Variants in LPCAT1 observed in about 807,000 individuals in gnomAD.
LPCAT1 encodes the protein 1-acylglycerol-3-phosphate O-acyltransferase.
In LPCAT1, 23 loss-of-function variants were observed where a neutral mutation model predicts 60.9. The observed-to-expected ratio is 0.38, with a 90% CI of 0.27 to 0.53. The LOEUF (loss-of-function observed/expected upper bound fraction) is 0.53. Ranked by LOEUF, LPCAT1 falls within the 20% of genes least tolerant of loss-of-function variation. LPCAT1 has a pLI of 0.82. For synonymous variants in LPCAT1, 340 were observed against 301.1 expected (o/e 1.13, Z -1.34); for missense variants, 622 against 723.6 (o/e 0.86, Z 1.61).
In LPCAT1 at chr5:1,523,442, G is replaced by A. The variant is rs1294636333; in HGVS notation, c.135+268C>T. 6.6e-6 allele frequency among the ~76,000 whole-genome samples: 1 copy of A among 151,746 alleles called. No individual in the cohort carries two copies. The highest frequency in any genetic ancestry group is 1.5e-5 in the Non-Finnish European group (1 of 67,876). On this transcript the variant is annotated intron_variant, in intron 1 of 13. Transcript: ENST00000283415. This position sits in a 1 kb window ranked among gnomAD's most constrained non-coding sequence, Gnocchi z 7.1. Reference sequence around the variant, plus strand: ...GGGGGGAGGAGCAGAACGCGGGGCGGGGATGGGAAGCGGGGACCCCGAGGA... The same window carrying A: ...GGGGGGAGGAGCAGAACGCGGGGCGAGGATGGGAAGCGGGGACCCCGAGGA...
intron 1 of LPCAT1, among the ~76,000 whole-genome samples, chr5:1,505,208 G>C (rs1736144859): frequency 7.0e-6 from 1 of 142,508 alleles, no homozygotes; most frequent in Non-Finnish European, 1.5e-5. Context: ...CGGTGTTCCT[G>C]AAACAGCACC....
chr5:1,489,683 C>T (rs1030299050), intron 4 of LPCAT1, 63 bp downstream of exon 4: 7 of 1,228,156 alleles, frequency 5.7e-6, no homozygotes, highest in Admixed American at 1.7e-5. Context: ...TTTCTCCCCA[C>T]TCGCGAAGTT....
rs1194102783 is a variant in LPCAT1 at position 1,462,939 on chromosome 5, A to G, written c.*712T>C. On this transcript the variant is annotated 3_prime_UTR_variant, in exon 14 of 14. Transcript: ENST00000283415. ...TCCCCAGGGGACCCAGCGGAAGGAG[A>G]GGGATTACCTGCTGGAGAGAGGCCT... is the stretch of plus-strand genomic sequence containing the variant. 2.6e-5 allele frequency: 4 copies of G among 152,118 alleles called. No homozygotes were observed. Among genetic ancestry groups the G allele is most frequent in the South Asian group, 4.2e-4 (2 of 4,808 alleles). 9.4% of individuals were successfully genotyped at this position (152,118 alleles called of 1,614,324 possible). A position where few individuals can be genotyped will look rare whatever the true frequency, so the allele number is the denominator to read the frequency against.
intron 13 of LPCAT1, 74 bp from the exon 14 acceptor site, chr5:1,463,909 A>C (rs1286112740): frequency 6.5e-7 from 1 of 1,532,484 alleles, no homozygotes; most frequent in African/African-American, 1.4e-5. Context: ...CTCTTTTCCC[A>C]CGGCCCTGGT....
chr5:1,491,551 T>C (rs563749126), intron 3 of LPCAT1, among the ~76,000 whole-genome samples: 5 of 152,268 alleles, frequency 3.3e-5, no homozygotes, highest in African/African-American at 1.2e-4. Flanking sequence ...CGTCTTCATG[T>C]GGGTTGCCCG....
In LPCAT1 at chr5:1,481,685, C is replaced by A. The variant is rs986807900; in HGVS notation, c.727-709G>T. Among the ~76,000 whole-genome samples the A allele has an allele frequency of 6.6e-6, 1 of 152,272 alleles. No individual in the cohort carries two copies. The highest frequency in any genetic ancestry group is 1.5e-5 in the Non-Finnish European group (1 of 68,044). ...GGAAAATCTAGATGACTGCACAGATCGGAGTCTGTTGTCCTCGGGTTGACT... is the reference window on the plus strand; with the variant it reads ...GGAAAATCTAGATGACTGCACAGATAGGAGTCTGTTGTCCTCGGGTTGACT... On this transcript the variant is annotated intron_variant, in intron 6 of 13. Coordinates refer to ENST00000283415, the MANE Select transcript of LPCAT1 (RefSeq NM_024830.5). This position sits in a 1 kb window ranked among gnomAD's most constrained non-coding sequence, Gnocchi z 7.8.
chr5:1,523,764 C>CG lies in LPCAT1; in HGVS notation c.80dup (p.Arg29AlafsTer213). On this transcript the variant is annotated frameshift_variant, in exon 1 of 14. Coordinates refer to ENST00000283415, the MANE Select transcript of LPCAT1 (RefSeq NM_024830.5). LOFTEE classifies it high-confidence loss of function. The surrounding 1 kb of genome is among the most constrained non-coding windows in gnomAD (Gnocchi z 7.1). ...GCTCGTGCACGAAGGGGTTCCGCCC[C>CG]GGGGGCGCCAGCAGCCGAGCGTCGC... The CG allele has an allele frequency of 8.6e-6, 10 of 1,158,124 alleles. No homozygotes were observed. Among genetic ancestry groups the CG allele is most frequent in the Admixed American group, 4.6e-5 (1 of 21,684 alleles). 71.7% of individuals were successfully genotyped at this position (1,158,124 alleles called of 1,614,324 possible). A position where few individuals can be genotyped will look rare whatever the true frequency, so the allele number is the denominator to read the frequency against.
At chr5:1,499,682 C>G (rs536171958) in intron 2 of LPCAT1, among the ~76,000 whole-genome samples, 1 of 152,044 alleles carries the variant, frequency 6.6e-6, no homozygotes, top group African/African-American at 2.4e-5. Context: ...AGCTGCTCAA[C>G]GTCCACCCAC....
At chr5:1,504,679 G>A (rs1287782262) in intron 1 of LPCAT1, among the ~76,000 whole-genome samples, 10 of 142,118 alleles carry the variant, frequency 7.0e-5, no homozygotes, top group Admixed American at 2.9e-4. Flanking sequence ...GCGCCATTGC[G>A]CTCTAGCCTG....
intron 1 of LPCAT1, among the ~76,000 whole-genome samples, chr5:1,513,854 C>T (rs984183938): frequency 3.3e-5 from 5 of 149,304 alleles, no homozygotes; most frequent in East Asian, 4.0e-4. Flanking sequence ...CATTCTCACC[C>T]GTGGGGCAGG....
At chr5:1,489,359 C>T (rs1371018058) in intron 4 of LPCAT1, among the ~76,000 whole-genome samples, 1 of 152,238 alleles carries the variant, frequency 6.6e-6, no homozygotes, top group Non-Finnish European at 1.5e-5. Context: ...CTTCTGAATG[C>T]CTGGGAACCA....
rs1344122497 is a variant in LPCAT1, at chr5:1,477,722, C to A, written c.817-236G>T. Among the ~76,000 whole-genome samples, 3 of 152,084 alleles carry A rather than the reference C, an allele frequency of 2.0e-5. No individual in the cohort carries two copies. The highest frequency in any genetic ancestry group is 2.0e-4 in the Admixed American group (3 of 15,282). The stretch of plus-strand genomic sequence containing the variant: ...CATTGGTGCTCCCTGGGAGCACCTG[C>A]TGCCTACATCAGAACATCTGGCTCT... On this transcript the variant is annotated intron_variant, in intron 8 of 13. Transcript: ENST00000283415. This position sits in a 1 kb window ranked among gnomAD's most constrained non-coding sequence, Gnocchi z 6.0.
Position 1,503,212 on chromosome 5 carries a change from G to A in LPCAT1, c.136-1609C>T, listed in dbSNP as rs1044006276. 2.6e-5 allele frequency among the ~76,000 whole-genome samples: 4 copies of A among 152,104 alleles called. No individual in the cohort carries two copies. In the South Asian group the frequency reaches 8.3e-4, roughly 31 times the overall value. On this transcript the variant is annotated intron_variant, in intron 1 of 13. Coordinates refer to ENST00000283415, the MANE Select transcript of LPCAT1 (RefSeq NM_024830.5). ...GGGGGCTGCTCCTCACCCCAGCTGG[G>A]TCCCCGCTTCAGCATCACACTCGCT...
chr5:1,513,599 ACC>A, intron 1 of LPCAT1, among the ~76,000 whole-genome samples: 1 of 151,896 alleles, frequency 6.6e-6, no homozygotes, highest in Middle Eastern at 3.4e-3. Flanking sequence ...GTTACACCTG[ACC>A]CATTTCCACA....
intron 2 of LPCAT1, among the ~76,000 whole-genome samples, chr5:1,500,608 T>C (rs1327201365): frequency 2.0e-5 from 3 of 152,206 alleles, no homozygotes; most frequent in Non-Finnish European, 4.4e-5. Context: ...CCGAGCCTCC[T>C]GTCCGAAGGC....
intron 2 of LPCAT1, among the ~76,000 whole-genome samples, chr5:1,497,031 G>A (rs1036262255): frequency 6.6e-5 from 10 of 152,226 alleles, no homozygotes; most frequent in South Asian, 2.1e-4. Context: ...ATCCTGAGAC[G>A]TGTGAGCAGA....
intron 1 of LPCAT1, among the ~76,000 whole-genome samples, chr5:1,515,714 C>T (rs372520805): frequency 2.6e-5 from 4 of 151,980 alleles, no homozygotes; most frequent in East Asian, 3.9e-4. Context: ...ACACCCTGCT[C>T]CACACTACGG....
intron 1 of LPCAT1, among the ~76,000 whole-genome samples, chr5:1,508,383 G>A (rs1394334212): frequency 1.3e-5 from 2 of 152,188 alleles, no homozygotes; most frequent in African/African-American, 2.4e-5. Context: ...AGAAGGGGCT[G>A]TTAGAGAGGT....
intron 12 of LPCAT1, among the ~76,000 whole-genome samples, chr5:1,469,647 C>T (rs1015560673): frequency 4.6e-5 from 7 of 152,124 alleles, no homozygotes; most frequent in Non-Finnish European, 8.8e-5. Flanking sequence ...TTTCATGGCA[C>T]GAGCCTGTAA....
Sources: allele counts gnomAD v4.1 joint callset (sites outside exome capture counted in the v4.1 genomes callset), GRCh38; gene constraint gnomAD v4.1.1; non-coding constraint Gnocchi (gnomAD v3.1); transcripts MANE v1.5; gene names NCBI Gene and HGNC (gene_info 2026-07-23, HGNC 2026-07-21).